TMOD3: variants seen among roughly 807,000 people sequenced by gnomAD.
The protein encoded by TMOD3 is tropomodulin-3.
Under a neutral mutation model 39.2 loss-of-function variants are expected in TMOD3, and 20 were observed. The ratio of observed to expected loss-of-function variants is 0.51; its 90% CI spans 0.36 to 0.74. The LOEUF is 0.74. TMOD3 is among the 30% of genes least tolerant of loss of function. The pLI, the probability that TMOD3 is intolerant of heterozygous loss-of-function variation, is 0.00. For missense variants in TMOD3, 381 were observed against 412.8 expected (o/e 0.92, Z 0.67); for synonymous variants, 143 against 145.8 (o/e 0.98, Z 0.14).
chr15:51,878,197 G>A (rs980955643), intron 3 of TMOD3, among the ~76,000 whole-genome samples: 5 of 152,160 alleles, frequency 3.3e-5, no homozygotes, highest in African/African-American at 1.2e-4. Context: ...CATATCATAG[G>A]GATCACTGTC....
At chr15:51,841,811 A>AGC (rs2056313990) in intron 1 of TMOD3, among the ~76,000 whole-genome samples, 2 of 151,970 alleles carry the variant, frequency 1.3e-5, no homozygotes, top group Non-Finnish European at 2.9e-5. Flanking sequence ...ATTCTGTCAC[A>AGC]CAGGCTGGAG....
At chr15:51,831,249 G>T (rs1001010186) in intron 1 of TMOD3, among the ~76,000 whole-genome samples, 2 of 152,004 alleles carry the variant, frequency 1.3e-5, no homozygotes, top group Non-Finnish European at 2.9e-5. Context: ...AAATTTTGTG[G>T]TATATCCAAT....
At chr15:51,843,290 C>T (rs770541431) in intron 1 of TMOD3, among the ~76,000 whole-genome samples, 6 of 152,192 alleles carry the variant, frequency 3.9e-5, no homozygotes, top group Middle Eastern at 3.4e-3. Context: ...ACAAATGAGG[C>T]GGCCAGCTGA....
At chr15:51,830,097 C>A (rs913799993) in intron 1 of TMOD3, among the ~76,000 whole-genome samples, 1 of 152,120 alleles carries the variant, frequency 6.6e-6, no homozygotes, top group Admixed American at 6.5e-5. Context: ...GAATCACCCG[C>A]GGCCCGGGCG....
intron 1 of TMOD3, among the ~76,000 whole-genome samples, chr15:51,855,470 A>T (rs1239566876): frequency 6.6e-6 from 1 of 152,276 alleles, no homozygotes; most frequent in East Asian, 1.9e-4. Context: ...AGAATTCCAA[A>T]TTAAAAATTC....
chr15:51,859,364 TC>T, intron 1 of TMOD3: 2 of 700,912 alleles, frequency 2.9e-6, no homozygotes, highest in South Asian at 2.7e-5. Context: ...ATCCAAACTC[TC>T]TCAAAGCCCT....
At chr15:51,836,372 CT>C (rs1291241189) in intron 1 of TMOD3, among the ~76,000 whole-genome samples, 2 of 152,290 alleles carry the variant, frequency 1.3e-5, no homozygotes, top group East Asian at 1.9e-4. Flanking sequence ...TTTGCCTCTT[CT>C]GGACATCTCA....
In TMOD3 at chr15:51,909,847, A is replaced by G. The variant is rs1566870695; in HGVS notation, c.*1037A>G. The G allele has an allele frequency of 6.6e-6, 1 of 152,244 alleles. No homozygotes were observed. Among genetic ancestry groups the G allele is most frequent in the African/African-American group, 2.4e-5 (1 of 41,456 alleles). 9.4% of individuals were successfully genotyped at this position (152,244 alleles called of 1,614,324 possible). A position where few individuals can be genotyped will look rare whatever the true frequency, so the allele number is the denominator to read the frequency against. On this transcript the variant is annotated 3_prime_UTR_variant, in exon 10 of 10. Coordinates refer to ENST00000308580, the MANE Select transcript of TMOD3 (RefSeq NM_014547.5). The stretch of plus-strand genomic sequence containing the variant: ...TGCAGAATTGCATAAACAGTATTTA[A>G]TCACTGCTACAAATCTTCCAACCAA...
chr15:51,895,181 C>T (rs2056614301), intron 6 of TMOD3, among the ~76,000 whole-genome samples: 1 of 151,812 alleles, frequency 6.6e-6, no homozygotes, highest in East Asian at 1.9e-4. Context: ...GAAGGAAAGC[C>T]TCAGAGAAAG....
intron 3 of TMOD3, chr15:51,875,153 T>C (rs2056495311): frequency 6.6e-6 from 1 of 152,144 alleles, no homozygotes; most frequent in African/African-American, 2.4e-5. Context: ...TGTGATTTCT[T>C]TGGAGGAAAG....
At chr15:51,887,816 A>G (rs753850270) in intron 4 of TMOD3, 105 bp downstream of exon 4, 5 of 1,407,266 alleles carry the variant, frequency 3.6e-6, no homozygotes, top group Admixed American at 2.4e-5. Flanking sequence ...CCTAGCAAGT[A>G]CTGTTAAATC....
At chr15:51,831,628 ACT>A (rs10554674) in intron 1 of TMOD3, among the ~76,000 whole-genome samples, 9,383 of 152,134 alleles carry the variant, frequency 0.062, 640 homozygotes, top group African/African-American at 0.16. Flanking sequence ...GGCTTTTTCA[ACT>A]CTCAGTTTTT....
At chr15:51,840,858 C>CT (rs1394554259) in intron 1 of TMOD3, among the ~76,000 whole-genome samples, 2 of 152,100 alleles carry the variant, frequency 1.3e-5, no homozygotes, top group African/African-American at 4.8e-5. Flanking sequence ...GTAGCTTTTC[C>CT]TTTTCTTTTA....
intron 3 of TMOD3, chr15:51,875,133 T>G (rs1448215854): frequency 6.6e-6 from 1 of 152,184 alleles, no homozygotes; most frequent in Non-Finnish European, 1.5e-5. Context: ...CTTTCTCACC[T>G]TTCTGAGTAT....
chr15:51,901,936 G>T lies in TMOD3; in HGVS notation c.924G>T (p.Met308Ile). Reference sequence around the variant, plus strand: ...CTGTAGAATTGGAAATGGCCAAGATGCTTGAGGAAAATACAAATATCCTTA... The same window carrying T: ...CTGTAGAATTGGAAATGGCCAAGATTCTTGAGGAAAATACAAATATCCTTA... ...GTAVELEMAK[M>I]LEENTNILKF... is the part of the protein sequence containing the mutation. The change falls in exon 9 of 10, where the codon ATG becomes ATT. Residue 308 changes from methionine to isoleucine, a missense_variant. Transcript: ENST00000308580. 1 of 1,614,104 alleles carries T rather than the reference G, an allele frequency of 6.2e-7. No homozygotes were observed. The highest frequency in any genetic ancestry group is 8.5e-7 in the Non-Finnish European group (1 of 1,180,008).
rs569069214 is a variant in TMOD3 at position 51,879,096 on chromosome 15, G to T, written c.284-8493G>T. 5.9e-5 allele frequency among the ~76,000 whole-genome samples: 9 copies of T among 152,316 alleles called. No homozygotes were observed. In the South Asian group the frequency reaches 1.9e-3, roughly 32 times the overall value. ...GATCACAGTATTTCTTACTGATTTTGTGACAATAACAAGGATCTTGGCACA... is the reference window on the plus strand; with the variant it reads ...GATCACAGTATTTCTTACTGATTTTTTGACAATAACAAGGATCTTGGCACA... On this transcript the variant is annotated intron_variant, in intron 3 of 9. Coordinates refer to ENST00000308580, the MANE Select transcript of TMOD3 (RefSeq NM_014547.5).
At chr15:51,862,370 A>G (rs1419320692) in intron 1 of TMOD3, among the ~76,000 whole-genome samples, 2 of 152,204 alleles carry the variant, frequency 1.3e-5, no homozygotes, top group African/African-American at 2.4e-5. Context: ...TGTGGAATGT[A>G]TTGCTATCCC....
chr15:51,875,853 C>G (rs796784955), intron 3 of TMOD3, among the ~76,000 whole-genome samples: 1 of 152,030 alleles, frequency 6.6e-6, no homozygotes, highest in South Asian at 2.1e-4. Context: ...CTCCTGACCT[C>G]GTGATCCACC....
intron 3 of TMOD3, among the ~76,000 whole-genome samples, chr15:51,872,132 C>A (rs562517311): frequency 6.6e-6 from 1 of 152,162 alleles, no homozygotes; most frequent in Non-Finnish European, 1.5e-5. Flanking sequence ...GGTAGCTCAA[C>A]GCCTGTAATC....
Sources: allele counts gnomAD v4.1 joint callset (sites outside exome capture counted in the v4.1 genomes callset), GRCh38; gene constraint gnomAD v4.1.1; transcripts MANE v1.5; gene names NCBI Gene and HGNC (gene_info 2026-07-23, HGNC 2026-07-21).